CARTPT: variants seen among roughly 807,000 people sequenced by gnomAD.
The protein encoded by CARTPT is CART prepropeptide, also known as cocaine- and amphetamine-regulated transcript protein.
A neutral mutation model predicts 12.2 loss-of-function variants in CARTPT; 6 were observed. That is an observed-to-expected ratio of 0.49 (90% CI 0.27 to 0.97). CARTPT has a LOEUF of 0.97. CARTPT is among the 50% of genes least tolerant of loss of function. The pLI, the probability that CARTPT is intolerant of heterozygous loss-of-function variation, is 0.12. For synonymous variants in CARTPT, 75 were observed against 64.1 expected (o/e 1.17, Z -0.82); for missense variants, 135 against 142.0 (o/e 0.95, Z 0.25).
chr5:71,720,075 C>T (rs1364037521), intron 2 of CARTPT, 112 bp downstream of exon 2: 28 of 949,090 alleles, frequency 3.0e-5, no homozygotes, highest in Non-Finnish European at 4.1e-5. Flanking sequence ...AGGTAATGGG[C>T]TTGCAGGATT....
chr5:71,719,835 C>A (rs768574675), intron 1 of CARTPT, 45 bp from the exon 2 acceptor site: 17 of 1,591,026 alleles, frequency 1.1e-5, no homozygotes, highest in South Asian at 1.1e-5. Context: ...GGGCTGGGCT[C>A]GCAGCCAAGG....
chr5:71,719,622 C>A (rs928132485), intron 1 of CARTPT, 170 bp downstream of exon 1: 13 of 852,088 alleles, frequency 1.5e-5, no homozygotes, highest in Admixed American at 2.1e-5. Context: ...AGCTCACGGG[C>A]TCCTGGCAGT....
chr5:71,719,474 G>A lies in CARTPT; in HGVS notation c.159+22G>A, dbSNP rs376714327. 4 of 1,613,520 alleles carry A rather than the reference G, an allele frequency of 2.5e-6. No individual in the cohort carries two copies. The African/African-American group carries it at 5.3e-5, about 22-fold the overall frequency. Reference sequence around the variant, plus strand: ...GCTGGTCGGTATTCCCCTCGCTCTCGACCCCCTTGAGCTGTCGCCTTGTCT... The same window carrying A: ...GCTGGTCGGTATTCCCCTCGCTCTCAACCCCCTTGAGCTGTCGCCTTGTCT... On this transcript the variant is annotated intron_variant, in intron 1 of 2. Coordinates refer to ENST00000296777, the MANE Select transcript of CARTPT (RefSeq NM_004291.4).
At chr5:71,719,830 G>C in intron 1 of CARTPT, 50 bp from the exon 2 acceptor site, 1 of 1,572,416 alleles carries the variant, frequency 6.4e-7, no homozygotes, top group Middle Eastern at 1.7e-4. Flanking sequence ...CACCTGGGCT[G>C]GGCTCGCAGC....
rs1284492256 is a variant in CARTPT, at chr5:71,719,949, G to C, written c.229G>C (p.Gly77Arg). The change falls in exon 2 of 3, where the codon GGC becomes CGC. Residue 77 changes from glycine (G) to arginine (R), a missense_variant. Coordinates refer to ENST00000296777, the MANE Select transcript of CARTPT (RefSeq NM_004291.4). ...TGTTCCCATCTATGAGAAGAAGTAT[G>C]GCCAAGTCCCCATGGTAAGGTTTGT... Reference protein sequence around the residue: ...KRVPIYEKKYGQVPMCDAGEQ... With the variant: ...KRVPIYEKKYRQVPMCDAGEQ... 6.2e-7 allele frequency: 1 copy of C among 1,614,056 alleles called. No individual in the cohort carries two copies.
intron 1 of CARTPT, 36 bp downstream of exon 1, chr5:71,719,488 GTC>G (rs1318782884): frequency 6.2e-7 from 1 of 1,612,430 alleles, no homozygotes; most frequent in Non-Finnish European, 8.5e-7. Context: ...CCCTTGAGCT[GTC>G]GCCTTGTCTC....
At chr5:71,720,436 T>C in intron 2 of CARTPT, 72 bp from the exon 3 acceptor site, 3 of 1,361,494 alleles carry the variant, frequency 2.2e-6, no homozygotes, top group Non-Finnish European at 3.1e-6. Context: ...AGAAATTGCG[T>C]TGACTGTGAG....
In CARTPT at chr5:71,720,094, T is replaced by G. The variant is rs191051619; in HGVS notation, c.243+131T>G. The G allele has an allele frequency of 4.6e-3, 3,684 of 794,794 alleles. 13 individuals are homozygous for G. The highest frequency in any genetic ancestry group is 5.9e-3 in the Non-Finnish European group (2,673 of 455,898). 49.2% of individuals were successfully genotyped at this position (794,794 alleles called of 1,614,324 possible). On this transcript the variant is annotated intron_variant, in intron 2 of 2. Transcript: ENST00000296777. ...AATGGGCTTGCAGGATTCTGTGGGC[T>G]CCTTCTTCCTTCCCGGGTGAGGAAA...
chr5:71,719,969 G>A lies in CARTPT; in HGVS notation c.243+6G>A, dbSNP rs759961592. Reference sequence around the variant, plus strand: ...AGTATGGCCAAGTCCCCATGGTAAGGTTTGTGGTCACTCCCTTCCCGTGTT... The same window carrying A: ...AGTATGGCCAAGTCCCCATGGTAAGATTTGTGGTCACTCCCTTCCCGTGTT... On this transcript the variant is annotated splice_donor_region_variant and intron_variant, in intron 2 of 2. Transcript: ENST00000296777. The A allele has an allele frequency of 6.2e-7, 1 of 1,612,818 alleles. No individual in the cohort carries two copies. The highest frequency in any genetic ancestry group is 8.5e-7 in the Non-Finnish European group (1 of 1,178,782).
At chr5:71,719,783 G>A (rs1748669423) in intron 1 of CARTPT, 97 bp from the exon 2 acceptor site, 4 of 1,127,688 alleles carry the variant, frequency 3.5e-6, no homozygotes, top group Non-Finnish European at 5.4e-6. Flanking sequence ...GAGTGCGTGT[G>A]GGTCCGGGGC....
At position 71,719,945 on chromosome 5, in the gene CARTPT, G is replaced by A. The variant is rs969403006; in HGVS notation, c.225G>A (p.Lys75=). The A allele has an allele frequency of 2.5e-6, 4 of 1,614,032 alleles. No homozygotes were observed. The African/African-American group carries it at 4.0e-5, about 16-fold the overall frequency. ...AACGTGTTCCCATCTATGAGAAGAA[G>A]TATGGCCAAGTCCCCATGGTAAGGT... is the stretch of plus-strand genomic sequence containing the variant. ...KSKRVPIYEK[K]YGQVPMCDAG... is the part of the protein sequence containing the mutation. Residue 75 remains lysine, a synonymous_variant, in exon 2 of 3, where the codon AAG becomes AAA. Coordinates refer to ENST00000296777, the MANE Select transcript of CARTPT (RefSeq NM_004291.4).
chr5:71,720,030 C>G, intron 2 of CARTPT, 67 bp downstream of exon 2: 1 of 1,344,420 alleles, frequency 7.4e-7, no homozygotes, highest in Non-Finnish European at 1.1e-6. Flanking sequence ...GAATCGTACA[C>G]ACAGTCTTCT....
At chr5:71,720,482 G>C (rs752570057) in intron 2 of CARTPT, 26 bp from the exon 3 acceptor site, 1 of 1,592,602 alleles carries the variant, frequency 6.3e-7, no homozygotes, top group Non-Finnish European at 8.6e-7. Context: ...GTTCATACTC[G>C]ATGACCACAC....
intron 2 of CARTPT, 81 bp downstream of exon 2, chr5:71,720,044 T>C (rs1344793091): frequency 1.4e-5 from 18 of 1,242,158 alleles, no homozygotes; most frequent in South Asian, 2.4e-5. Context: ...GTCTTCTCCG[T>C]AGGATGTGGC....
rs774906197 is a variant in CARTPT at position 71,719,300 on chromosome 5, A to G, written c.7A>G (p.Ser3Gly). 105 of 1,611,724 alleles carry G rather than the reference A, an allele frequency of 6.5e-5. No individual in the cohort carries two copies. The highest frequency in any genetic ancestry group is 2.0e-4 in the Admixed American group (12 of 59,984). Residue 3 changes from serine to glycine, a missense_variant, in exon 1 of 3, where the codon AGC (serine) becomes GGC (glycine). Transcript: ENST00000296777. MESSRVRLLPLLG... is the reference protein window; with the variant it reads MEGSRVRLLPLLG... ...AACGACGAGTTTCAGAACGATGGAG[A>G]GCTCCCGCGTGAGGCTGCTGCCCCT... is the stretch of plus-strand genomic sequence containing the variant.
intron 2 of CARTPT, 114 bp from the exon 3 acceptor site, chr5:71,720,394 G>A: frequency 3.5e-6 from 3 of 845,656 alleles, no homozygotes; most frequent in Non-Finnish European, 6.0e-6. Context: ...TCTTGTGATG[G>A]TGATGGGGTC....
intron 2 of CARTPT, 62 bp downstream of exon 2, chr5:71,720,025 G>A: frequency 2.9e-6 from 4 of 1,369,432 alleles, no homozygotes; most frequent in East Asian, 4.6e-5. Context: ...GCCTTGAATC[G>A]TACACACAGT....
In CARTPT at chr5:71,719,968, G is replaced by A; in HGVS notation, c.243+5G>A. 1.2e-6 allele frequency: 2 copies of A among 1,613,136 alleles called. No individual in the cohort carries two copies. Among genetic ancestry groups the A allele is most frequent in the South Asian group, 2.2e-5 (2 of 91,076 alleles). On this transcript the variant is annotated splice_donor_5th_base_variant and intron_variant, in intron 2 of 2. Coordinates refer to ENST00000296777, the MANE Select transcript of CARTPT (RefSeq NM_004291.4). Reference sequence around the variant, plus strand: ...AAGTATGGCCAAGTCCCCATGGTAAGGTTTGTGGTCACTCCCTTCCCGTGT... The same window carrying A: ...AAGTATGGCCAAGTCCCCATGGTAAAGTTTGTGGTCACTCCCTTCCCGTGT...
rs1748692848 is a variant in CARTPT, at chr5:71,720,745, T to C, written c.*130T>C. ...TTCCTCTGAAGGGAAAGGGCTCTTTTCCTGCTGTTTCAAAAATAAAAGAAC... is the reference window on the plus strand; with the variant it reads ...TTCCTCTGAAGGGAAAGGGCTCTTTCCCTGCTGTTTCAAAAATAAAAGAAC... On this transcript the variant is annotated 3_prime_UTR_variant, in exon 3 of 3. Coordinates refer to ENST00000296777, the MANE Select transcript of CARTPT (RefSeq NM_004291.4). 11 of 738,356 alleles carry C rather than the reference T, an allele frequency of 1.5e-5. No homozygotes were observed. The highest frequency in any genetic ancestry group is 2.7e-5 in the Non-Finnish European group (11 of 413,580). The allele number at this position is 738,356 out of a possible 1,614,324, so 45.7% of individuals were successfully genotyped here.
Sources: allele counts gnomAD v4.1 joint callset, GRCh38; gene constraint gnomAD v4.1.1; transcripts MANE v1.5; gene names NCBI Gene and HGNC (gene_info 2026-07-23, HGNC 2026-07-21).